Variants in MYOM1 observed in about 807,000 individuals in gnomAD.
The protein encoded by MYOM1 is myomesin 1, also known as myomesin-1.
Under a neutral mutation model 205.3 loss-of-function variants are expected in MYOM1, and 164 were observed. The observed-to-expected ratio is 0.80, with a 90% CI of 0.70 to 0.91. The LOEUF is 0.91. MYOM1 is among the 40% of genes least tolerant of loss of function. MYOM1 has a pLI of 0.00. For synonymous variants in MYOM1, 772 were observed against 789.4 expected, an observed-to-expected ratio of 0.98 and a Z score of 0.37; for missense variants, 2,011 against 2,127.3, an observed-to-expected ratio of 0.95 and a Z score of 1.08.
rs8098036 is a variant in MYOM1 at position 3,079,789 on chromosome 18, G to A, written c.4485-447C>T. On this transcript the variant is annotated intron_variant, in intron 33 of 37. Coordinates refer to ENST00000356443, the MANE Select transcript of MYOM1 (RefSeq NM_003803.4). ...AAAACACACTTATGGAGGCTCATCT[G>A]TGCCTGACATCTATTGACATATGTT... Among the ~76,000 whole-genome samples the A allele has an allele frequency of 6.0e-3, 914 of 152,260 alleles. 10 individuals carry two copies. The highest frequency in any genetic ancestry group is 0.024 in the Middle Eastern group (7 of 294).
At chr18:3,206,328 G>A (rs1195639360) in intron 2 of MYOM1, among the ~76,000 whole-genome samples, 1 of 152,056 alleles carries the variant, frequency 6.6e-6, no homozygotes, top group African/African-American at 2.4e-5. Context: ...ACATATATGC[G>A]AAATGCTCAG....
the MYOM1 span, among the ~76,000 whole-genome samples, chr18:3,238,736 G>A: frequency 6.6e-6 from 1 of 152,142 alleles, no homozygotes; most frequent in Non-Finnish European, 1.5e-5. Context: ...AAATTAAGCT[G>A]TCAGGGAGAC....
At chr18:3,103,923 G>A (rs2079416649) in intron 22 of MYOM1, among the ~76,000 whole-genome samples, 1 of 152,184 alleles carries the variant, frequency 6.6e-6, no homozygotes, top group African/African-American at 2.4e-5. Context: ...CACATGCAAA[G>A]CTTAGAGAAG....
intron 5 of MYOM1, among the ~76,000 whole-genome samples, chr18:3,182,377 T>C (rs1472436798): frequency 6.6e-6 from 1 of 152,208 alleles, no homozygotes; most frequent in African/African-American, 2.4e-5. Flanking sequence ...GGCACATGTA[T>C]ACATATGTAA....
intron 5 of MYOM1, among the ~76,000 whole-genome samples, chr18:3,177,248 AAAAC>A (rs35115978): frequency 0.086 from 13,133 of 152,056 alleles, 717 homozygotes; most frequent in African/African-American, 0.15. Flanking sequence ...TAAAATAAAT[AAAAC>A]AAACAAACAA....
intron 10 of MYOM1, among the ~76,000 whole-genome samples, chr18:3,155,842 C>T (rs1214115791): frequency 1.3e-5 from 2 of 152,158 alleles, no homozygotes; most frequent in Admixed American, 6.5e-5. Context: ...TAGAGCTTTG[C>T]CAGTCCCTAG....
chr18:3,203,904 C>T (rs548316711), intron 2 of MYOM1, among the ~76,000 whole-genome samples: 88 of 151,822 alleles, frequency 5.8e-4, no homozygotes, highest in African/African-American at 2.1e-3. Context: ...AATCCAGCAA[C>T]ATATAAAACC....
chr18:3,134,870 T>C (rs373375899), intron 15 of MYOM1, 46 bp from the exon 16 acceptor site: 1 of 1,591,166 alleles, frequency 6.3e-7, no homozygotes, highest in Non-Finnish European at 8.6e-7. Flanking sequence ...GTTTTAAAAA[T>C]TCATCCTTAT....
intron 36 of MYOM1, among the ~76,000 whole-genome samples, chr18:3,073,699 C>T (rs1419789481): frequency 2.0e-5 from 3 of 152,250 alleles, no homozygotes; most frequent in Admixed American, 6.5e-5. Context: ...TTGCCTTTTC[C>T]GATGCTACCT....
chr18:3,090,781 G>C lies in MYOM1; in HGVS notation c.3886C>G (p.Arg1296Gly). 1 of 1,613,708 alleles carries C rather than the reference G, an allele frequency of 6.2e-7. No homozygotes were observed. Among genetic ancestry groups the C allele is most frequent in the Non-Finnish European group, 8.5e-7 (1 of 1,179,764 alleles). ...AACATTTCGATGATGCCAGTGTTTC[G>C]GTCAATATGCATTTTATATTTCTTC... ...EGPKYKMHID[R>G]NTGIIEMFME... Residue 1296 changes from arginine to glycine, a missense_variant, in exon 27 of 38, where the codon CGA (arginine) becomes GGA (glycine). By Grantham distance (125) the Arg-to-Gly change is moderately radical. Coordinates refer to ENST00000356443, the MANE Select transcript of MYOM1 (RefSeq NM_003803.4).
chr18:3,110,158 T>C (rs2079505301), intron 22 of MYOM1, among the ~76,000 whole-genome samples: 1 of 152,260 alleles, frequency 6.6e-6, no homozygotes, highest in Non-Finnish European at 1.5e-5. Flanking sequence ...TAAAGTGTTT[T>C]ACATGAGCAT....
rs371412652 is a variant in MYOM1 at position 3,160,474 on chromosome 18, T to C, written c.1501+3804A>G. Among the ~76,000 whole-genome samples, 376 of 152,214 alleles carry C rather than the reference T, an allele frequency of 2.5e-3. 1 individual carries two copies. Among genetic ancestry groups the C allele is most frequent in the South Asian group, 0.023 (112 of 4,826 alleles). On this transcript the variant is annotated intron_variant, in intron 10 of 37. Coordinates refer to ENST00000356443, the MANE Select transcript of MYOM1 (RefSeq NM_003803.4). ...GTGCTGGGATTACAGGCGTGAGCCA[T>C]TGTACCTGGTCAACATTTTCTAAAA...
chr18:3,245,584 A>G, the MYOM1 span, among the ~76,000 whole-genome samples: 1 of 152,070 alleles, frequency 6.6e-6, no homozygotes, highest in Non-Finnish European at 1.5e-5. Flanking sequence ...ATTTTTCCAC[A>G]TTGGTTGACT....
rs766594454 is a variant in MYOM1 at position 3,067,367 on chromosome 18, C to G, written c.4953G>C (p.Lys1651Asn). The G allele has an allele frequency of 6.2e-6, 10 of 1,612,938 alleles. No individual in the cohort carries two copies. Among genetic ancestry groups the G allele is most frequent in the Non-Finnish European group, 8.5e-6 (10 of 1,179,896 alleles). ...TGAAGTCGCTGGTCTCCGAGCCATA[C>G]TTGTTCTTCACAACCAGCCCGTATT... Reference protein sequence around the residue: ...SGKYGLVVKNKYGSETSDFTV... With the variant: ...SGKYGLVVKNNYGSETSDFTV... Residue 1651 changes from lysine to asparagine, a missense_variant, in exon 38 of 38, where the codon AAG (lysine) becomes AAC (asparagine). Lys to Asn is a moderately conservative substitution (Grantham distance 94). Transcript: ENST00000356443.
At chr18:3,186,764 GGAAA>G (rs1376694976) in intron 5 of MYOM1, among the ~76,000 whole-genome samples, 1 of 137,376 alleles carries the variant, frequency 7.3e-6, no homozygotes, top group Admixed American at 7.7e-5. Context: ...AAGGAAGGAA[GGAAA>G]GGAAGGAAGG....
At position 3,079,367 on chromosome 18, in the gene MYOM1, T is replaced by C. The variant is rs1476753144; in HGVS notation, c.4485-25A>G. On this transcript the variant is annotated intron_variant, in intron 33 of 37. Transcript: ENST00000356443. ...ACTGTGAAAATCGAAGAAAACTTCCTTAGCATTTGCTTCCATCCAGGGCTG... is the reference window on the plus strand; with the variant it reads ...ACTGTGAAAATCGAAGAAAACTTCCCTAGCATTTGCTTCCATCCAGGGCTG... 5 of 1,596,334 alleles carry C rather than the reference T, an allele frequency of 3.1e-6. No homozygotes were observed. The South Asian group carries it at 5.6e-5, about 18-fold the overall frequency.
chr18:3,083,963 G>A, intron 32 of MYOM1, 26 bp downstream of exon 32: 2 of 1,585,944 alleles, frequency 1.3e-6, no homozygotes, highest in Non-Finnish European at 1.7e-6. Flanking sequence ...ATAAAGCATT[G>A]TTGTGGTGCG....
At chr18:3,098,981 A>T (rs934625861) in intron 25 of MYOM1, among the ~76,000 whole-genome samples, 1 of 151,786 alleles carries the variant, frequency 6.6e-6, no homozygotes, top group Non-Finnish European at 1.5e-5. Context: ...AGAGATACGG[A>T]CTCGCTCTGT....
chr18:3,086,121 C>T lies in MYOM1; in HGVS notation c.4168G>A (p.Val1390Met), dbSNP rs769264644. ...ATCTCCCTCTCATCTTTGTACCACA[C>T]AATATGAGTCTCCTTCTTAATATTT... ...VANIKKETHI[V>M]WYKDEREISV... The change falls in exon 30 of 38, where the codon GTG becomes ATG. Residue 1390 changes from valine (V) to methionine (M), a missense_variant. By Grantham distance (21) the Val-to-Met change is conservative. Transcript: ENST00000356443. 5.0e-6 allele frequency: 8 copies of T among 1,605,080 alleles called. No individual in the cohort carries two copies. Among genetic ancestry groups the T allele is most frequent in the Admixed American group, 1.7e-5 (1 of 58,268 alleles).
Sources: allele counts gnomAD v4.1 joint callset (sites outside exome capture counted in the v4.1 genomes callset), GRCh38; gene constraint gnomAD v4.1.1; transcripts MANE v1.5; gene names NCBI Gene and HGNC (gene_info 2026-07-23, HGNC 2026-07-21).